Variants in DSCAM observed in about 807,000 individuals in gnomAD.
The protein encoded by DSCAM is cell adhesion molecule DSCAM.
In DSCAM, 47 loss-of-function variants were observed where a neutral mutation model predicts 217.7. The observed-to-expected ratio is 0.22, with a 90% CI of 0.17 to 0.28. The LOEUF is 0.28. DSCAM is among the 10% of genes least tolerant of loss of function. The probability of loss-of-function intolerance (pLI) is 1.00; values close to 1 mark genes in which losing one functional copy is unlikely to be tolerated. For synonymous variants in DSCAM, 1,056 were observed against 1,015.3 expected, an observed-to-expected ratio of 1.04 and a Z score of -0.76; for missense variants, 2,080 against 2,618.3, an observed-to-expected ratio of 0.79 and a Z score of 4.49.
intron 18 of DSCAM, among the ~76,000 whole-genome samples, chr21:40,138,653 G>T (rs1201281989): frequency 6.9e-6 from 1 of 144,116 alleles, no homozygotes; most frequent in Non-Finnish European, 1.5e-5. Flanking sequence ...TGTGTGGGGG[G>T]TGTGTGTGGT....
chr21:40,713,127 C>T (rs961423771), intron 1 of DSCAM, among the ~76,000 whole-genome samples: 1 of 152,228 alleles, frequency 6.6e-6, no homozygotes, highest in Non-Finnish European at 1.5e-5. Flanking sequence ...TGAAGACCTA[C>T]ACCTCCTTGG....
intron 8 of DSCAM, among the ~76,000 whole-genome samples, chr21:40,336,250 G>A (rs1361612085): frequency 1.3e-5 from 2 of 152,096 alleles, no homozygotes; most frequent in Non-Finnish European, 2.9e-5. Flanking sequence ...ACCTAAAAAC[G>A]ATGGTTATGC....
chr21:40,745,477 C>T (rs1001894419), intron 1 of DSCAM, among the ~76,000 whole-genome samples: 1 of 152,134 alleles, frequency 6.6e-6, no homozygotes, highest in Non-Finnish European at 1.5e-5. Flanking sequence ...AGATACACTG[C>T]AGGCCAGAAG....
intron 3 of DSCAM, among the ~76,000 whole-genome samples, chr21:40,486,390 G>C (rs1050758657): frequency 6.6e-6 from 1 of 152,000 alleles, no homozygotes; most frequent in African/African-American, 2.4e-5. Flanking sequence ...TGTAAACTCA[G>C]ATCCTGGCAT....
intron 3 of DSCAM, among the ~76,000 whole-genome samples, chr21:40,528,514 C>G (rs1328851500): frequency 6.6e-6 from 1 of 152,186 alleles, no homozygotes; most frequent in African/African-American, 2.4e-5. Flanking sequence ...CCAGTAAATA[C>G]TGGATATTGC....
At chr21:40,441,997 T>TGTTTA (rs2075634665) in intron 3 of DSCAM, among the ~76,000 whole-genome samples, 3 of 152,238 alleles carry the variant, frequency 2.0e-5, no homozygotes, top group African/African-American at 7.2e-5. Context: ...ACTTAACTAA[T>TGTTTA]GTTTATCTTC....
intron 3 of DSCAM, among the ~76,000 whole-genome samples, chr21:40,499,650 G>A (rs2076155927): frequency 6.6e-6 from 1 of 152,186 alleles, no homozygotes; most frequent in Non-Finnish European, 1.5e-5. Context: ...CCATATCTAA[G>A]ACAGTTGGGT....
rs535011775 is a variant in DSCAM, at chr21:40,210,087, C to A, written c.2357-20849G>T. ...CTCAAACATACCTTGTATGTTTCTC[C>A]ACCTCCCCCATTCCCTATTTTGAGG... On this transcript the variant is annotated intron_variant, in intron 11 of 32. Coordinates refer to ENST00000400454, the MANE Select transcript of DSCAM (RefSeq NM_001389.5). Among the ~76,000 whole-genome samples, 4 of 152,284 alleles carry A rather than the reference C, an allele frequency of 2.6e-5. No individual in the cohort carries two copies. In the East Asian group the frequency reaches 7.7e-4, roughly 29 times the overall value.
At chr21:40,301,829 A>G (rs1421162609) in intron 9 of DSCAM, among the ~76,000 whole-genome samples, 1 of 152,194 alleles carries the variant, frequency 6.6e-6, no homozygotes, top group Non-Finnish European at 1.5e-5. Context: ...TGGCTAAGTT[A>G]ATAACGCAGA....
At chr21:40,419,559 AT>A (rs2075403627) in intron 3 of DSCAM, among the ~76,000 whole-genome samples, 1 of 152,178 alleles carries the variant, frequency 6.6e-6, no homozygotes, top group Non-Finnish European at 1.5e-5. Context: ...CTTATCTTTC[AT>A]ATATGAGGGC....
At chr21:40,393,809 G>T (rs1192486838) in intron 3 of DSCAM, among the ~76,000 whole-genome samples, 1 of 152,088 alleles carries the variant, frequency 6.6e-6, no homozygotes, top group Non-Finnish European at 1.5e-5. Flanking sequence ...AATGAATATT[G>T]TATGAATGTT....
chr21:40,257,321 A>G (rs191729905), intron 11 of DSCAM, among the ~76,000 whole-genome samples: 2 of 152,270 alleles, frequency 1.3e-5, no homozygotes, highest in East Asian at 3.9e-4. Flanking sequence ...TGCTATCCAA[A>G]TAGTTGTTGT....
intron 1 of DSCAM, among the ~76,000 whole-genome samples, chr21:40,835,974 G>A (rs1348825761): frequency 1.3e-5 from 2 of 152,142 alleles, no homozygotes; most frequent in African/African-American, 2.4e-5. Flanking sequence ...AGAAAGCCAA[G>A]AACATCCAAC....
intron 1 of DSCAM, among the ~76,000 whole-genome samples, chr21:40,822,079 G>T (rs2091932486): frequency 6.6e-6 from 1 of 151,690 alleles, no homozygotes; most frequent in South Asian, 2.1e-4. Flanking sequence ...AGCACTTTGG[G>T]AGGCTGAGGC....
chr21:40,451,291 T>C (rs1187318446), intron 3 of DSCAM, among the ~76,000 whole-genome samples: 1 of 152,232 alleles, frequency 6.6e-6, no homozygotes, highest in East Asian at 1.9e-4. Flanking sequence ...CACTTACTAT[T>C]ATGGCCCAGC....
At chr21:40,589,587 GAAAAA>G (rs1027305891) in intron 3 of DSCAM, among the ~76,000 whole-genome samples, 4 of 151,818 alleles carry the variant, frequency 2.6e-5, no homozygotes, top group Non-Finnish European at 5.9e-5. Flanking sequence ...AAAAAGAAAA[GAAAAA>G]AACACACAAA....
intron 4 of DSCAM, among the ~76,000 whole-genome samples, chr21:40,360,104 A>T (rs1467252942): frequency 7.4e-6 from 1 of 135,764 alleles, no homozygotes; most frequent in African/African-American, 2.8e-5. Context: ...GGTAGTGAGC[A>T]TGGTACTTCA....
intron 3 of DSCAM, among the ~76,000 whole-genome samples, chr21:40,581,081 C>A (rs1335359881): frequency 6.6e-6 from 1 of 152,138 alleles, no homozygotes; most frequent in Non-Finnish European, 1.5e-5. Context: ...AACATCTCAG[C>A]AAAACACAAA....
chr21:40,495,139 G>A (rs2076107654), intron 3 of DSCAM, among the ~76,000 whole-genome samples: 1 of 152,144 alleles, frequency 6.6e-6, no homozygotes, highest in African/African-American at 2.4e-5. Context: ...TGGCTTCATT[G>A]ATAAATTCTA....
Sources: gnomAD v4.1 joint callset for allele counts (sites outside exome capture counted in the v4.1 genomes callset) on GRCh38, gnomAD v4.1.1 for gene constraint, MANE v1.5 for transcripts, NCBI Gene and HGNC (gene_info 2026-07-23, HGNC 2026-07-21) for gene names.